Variants in FRAS1 observed in about 807,000 individuals in gnomAD.
The protein encoded by FRAS1 is Fraser extracellular matrix complex subunit 1.
In FRAS1, 290 loss-of-function variants were observed where a neutral mutation model predicts 435.2. The observed-to-expected ratio is 0.67, with a 90% CI of 0.61 to 0.73. FRAS1 has a LOEUF of 0.73. Ranked by LOEUF, FRAS1 falls within the 30% of genes least tolerant of loss-of-function variation. FRAS1 has a pLI of 0.00. For missense variants in FRAS1, 4,860 were observed against 5,001.5 expected, an observed-to-expected ratio of 0.97 and a Z score of 0.85; for synonymous variants, 1,800 against 1,851.0, an observed-to-expected ratio of 0.97 and a Z score of 0.71.
chr4:78,495,299 C>CTTAT (rs10650593), intron 59 of FRAS1, among the ~76,000 whole-genome samples: 6 of 151,538 alleles, frequency 4.0e-5, no homozygotes, highest in Non-Finnish European at 8.8e-5. Context: ...GTATGGTGTT[C>CTTAT]TTGATCAGAA....
chr4:78,282,575 G>C (rs1195922713), intron 11 of FRAS1, among the ~76,000 whole-genome samples: 1 of 151,472 alleles, frequency 6.6e-6, no homozygotes, highest in Admixed American at 6.6e-5. Flanking sequence ...ATCTCTGAGT[G>C]TGCCTAAAAT....
rs924468049 is a variant in FRAS1, at chr4:78,361,071, C to G, written c.2423-2442C>G. Among the ~76,000 whole-genome samples, 4 of 152,178 alleles carry G rather than the reference C, an allele frequency of 2.6e-5. No homozygotes were observed. The East Asian group carries it at 7.7e-4, about 29-fold the overall frequency. Reference sequence around the variant, plus strand: ...GGCCATGGCTTTTCAGATAACGGAGCCTTGAATCTGTAGTGTTTCCTAGGT... The same window carrying G: ...GGCCATGGCTTTTCAGATAACGGAGGCTTGAATCTGTAGTGTTTCCTAGGT... On this transcript the variant is annotated intron_variant, in intron 20 of 73. Coordinates refer to ENST00000512123, the MANE Select transcript of FRAS1 (RefSeq NM_025074.7).
intron 33 of FRAS1, 94 bp downstream of exon 33, chr4:78,419,157 C>T (rs1398774592): frequency 1.1e-5 from 7 of 648,766 alleles, no homozygotes; most frequent in Non-Finnish European, 1.8e-5. Context: ...TGCTTGTATA[C>T]ATAGAGATAT....
At position 78,450,284 on chromosome 4, in the gene FRAS1, G is replaced by A; in HGVS notation, c.6408G>A (p.Glu2136=). The A allele has an allele frequency of 6.2e-7, 1 of 1,613,868 alleles. No individual in the cohort carries two copies. Among genetic ancestry groups the A allele is most frequent in the Non-Finnish European group, 8.5e-7 (1 of 1,179,822 alleles). Residue 2136 remains glutamate (E), a synonymous_variant, in exon 45 of 74, where the codon GAG becomes GAA. Coordinates refer to ENST00000512123, the MANE Select transcript of FRAS1 (RefSeq NM_025074.7). ...RLQMMKHGNL[E]QISIKGPIRS... ...AGATGATGAAGCATGGCAACCTGGA[G>A]CAAATTTCTATTAAAGGCCCCATCC...
At chr4:78,375,551 G>A (rs867874152) in intron 25 of FRAS1, among the ~76,000 whole-genome samples, 188 bp from the exon 26 acceptor site, 2 of 152,176 alleles carry the variant, frequency 1.3e-5, no homozygotes, top group South Asian at 4.1e-4. Context: ...ATTGTGGAAC[G>A]TGAGGAGTGT....
At chr4:78,275,858 G>A (rs774677701) in intron 9 of FRAS1, among the ~76,000 whole-genome samples, 2 of 152,034 alleles carry the variant, frequency 1.3e-5, no homozygotes, top group Non-Finnish European at 2.9e-5. Context: ...TTGAATGTTG[G>A]CCTGCTTTGC....
At chr4:78,312,293 C>A (rs192590225) in intron 15 of FRAS1, among the ~76,000 whole-genome samples, 2 of 151,198 alleles carry the variant, frequency 1.3e-5, no homozygotes, top group African/African-American at 2.4e-5. Context: ...CCTTATTTCT[C>A]TTTATTGTAT....
At chr4:78,257,499 T>G (rs748723809) in intron 6 of FRAS1, among the ~76,000 whole-genome samples, 7 of 152,182 alleles carry the variant, frequency 4.6e-5, no homozygotes, top group Non-Finnish European at 8.8e-5. Flanking sequence ...TCTGGAAAAA[T>G]TTGCAACCTG....
At chr4:78,402,065 A>G (rs192016414) in intron 30 of FRAS1, among the ~76,000 whole-genome samples, 97 of 152,250 alleles carry the variant, frequency 6.4e-4, no homozygotes, top group African/African-American at 2.3e-3. Flanking sequence ...TAACAGTCTT[A>G]TAAAAACTGT....
chr4:78,305,392 G>C (rs1054978795), intron 14 of FRAS1, among the ~76,000 whole-genome samples: 7 of 150,532 alleles, frequency 4.7e-5, no homozygotes, highest in South Asian at 2.1e-4. Flanking sequence ...TTGGTGCAGA[G>C]CTGAGTTCAA....
chr4:78,280,550 GA>G (rs1364497527), intron 10 of FRAS1, among the ~76,000 whole-genome samples: 3 of 151,544 alleles, frequency 2.0e-5, no homozygotes, highest in Non-Finnish European at 4.4e-5. Flanking sequence ...TAGGGATAAG[GA>G]GTTTGACTGG....
At chr4:78,225,547 G>A (rs1487064265) in intron 2 of FRAS1, among the ~76,000 whole-genome samples, 1 of 152,038 alleles carries the variant, frequency 6.6e-6, no homozygotes, top group African/African-American at 2.4e-5. Flanking sequence ...TTCCCTAATT[G>A]TTTCAGAAGT....
intron 2 of FRAS1, among the ~76,000 whole-genome samples, chr4:78,214,144 G>A (rs1474789578): frequency 1.3e-5 from 2 of 152,182 alleles, no homozygotes; most frequent in Non-Finnish European, 2.9e-5. Flanking sequence ...AGTAGTAAAA[G>A]GGTAAAAATG....
intron 18 of FRAS1, among the ~76,000 whole-genome samples, chr4:78,328,532 T>C (rs1251559950): frequency 1.3e-5 from 2 of 152,244 alleles, no homozygotes; most frequent in Admixed American, 6.5e-5. Context: ...CATACTGTTT[T>C]ATTTTGTGTT....
intron 2 of FRAS1, among the ~76,000 whole-genome samples, chr4:78,177,095 T>G (rs551797472): frequency 1.3e-5 from 2 of 151,402 alleles, no homozygotes; most frequent in African/African-American, 4.8e-5. Flanking sequence ...GAGTTTTTTT[T>G]TTTTTTTTTT....
At position 78,472,230 on chromosome 4, in the gene FRAS1, C is replaced by A. The variant is rs759674249; in HGVS notation, c.7422C>A (p.Thr2474=). The change falls in exon 52 of 74, where the codon ACC becomes ACA. Residue 2474 remains threonine, a synonymous_variant. Transcript: ENST00000512123. ...KKELLTMDPD[T]EDAQLVYEIT... is the part of the protein sequence containing the mutation. ...AACTGCTGACCATGGACCCAGACAC[C>A]GAGGACGCGCAGCTTGTCTATGAGA... 40 of 1,613,782 alleles carry A rather than the reference C, an allele frequency of 2.5e-5. No homozygotes were observed. In the South Asian group the frequency reaches 3.7e-4, roughly 15 times the overall value.
rs778155926 is a variant in FRAS1, at chr4:78,317,462, G to A, written c.1914G>A (p.Leu638=). The A allele has an allele frequency of 4.3e-6, 7 of 1,613,726 alleles. No homozygotes were observed. The highest frequency in any genetic ancestry group is 1.7e-5 in the Admixed American group (1 of 60,008). ...AGGCTCTGCGTCAAGGCCACTGTCTGCCCCGCTGTGGAGAGGGTTTCTACT... is the reference window on the plus strand; with the variant it reads ...AGGCTCTGCGTCAAGGCCACTGTCTACCCCGCTGTGGAGAGGGTTTCTACT... ...PPKALRQGHC[L]PRCGEGFYSD... The change falls in exon 17 of 74, where the codon CTG becomes CTA. Residue 638 remains leucine (L), a synonymous_variant. Transcript: ENST00000512123.
At position 78,328,641 on chromosome 4, in the gene FRAS1, T is replaced by C. The variant is rs1729809288; in HGVS notation, c.2138-4631T>C. On this transcript the variant is annotated intron_variant, in intron 18 of 73. Transcript: ENST00000512123. ...ATTTTGTAAAAGGAGTCTGAAAATA[T>C]TTGGGAAAAAATTCCTAACTGTGAA... 2.0e-5 allele frequency among the ~76,000 whole-genome samples: 3 copies of C among 152,182 alleles called. No homozygotes were observed. In the South Asian group the frequency reaches 6.2e-4, roughly 32 times the overall value.
At chr4:78,494,999 G>A (rs1720471635) in intron 59 of FRAS1, among the ~76,000 whole-genome samples, 1 of 152,072 alleles carries the variant, frequency 6.6e-6, no homozygotes. Context: ...TTCAAAACGA[G>A]CATTATTCAT....
Sources: gnomAD v4.1 joint callset for allele counts (sites outside exome capture counted in the v4.1 genomes callset) on GRCh38, gnomAD v4.1.1 for gene constraint, MANE v1.5 for transcripts, NCBI Gene and HGNC (gene_info 2026-07-23, HGNC 2026-07-21) for gene names.